The following PODXL variants were observed in gnomAD, a reference collection of about 807,000 sequenced individuals.
The protein encoded by PODXL is podocalyxin like.
In PODXL, 20 loss-of-function variants were observed where a neutral mutation model predicts 48.9. That is an observed-to-expected ratio of 0.41 (90% confidence interval 0.29 to 0.59). The LOEUF is 0.59. Among genes scored for constraint, PODXL ranks in the 20% least tolerant of loss-of-function variants. The pLI is 0.31. For missense variants in PODXL, 606 were observed against 675.1 expected (o/e 0.90, Z 1.13); for synonymous variants, 295 against 287.4 (o/e 1.03, Z -0.27).
Position 131,500,765 on chromosome 7 carries a change from T to G in PODXL, c.*3546A>C, listed in dbSNP as rs1797687394. On this transcript the variant is annotated 3_prime_UTR_variant, in exon 9 of 9. Coordinates refer to ENST00000378555, the MANE Select transcript of PODXL (RefSeq NM_001018111.3). ...GTTTGTGTTCATGCCCTCCCTAGCCTTGCTAGGGTAACAACTGGGAAAGGA... is the reference window on the plus strand; with the variant it reads ...GTTTGTGTTCATGCCCTCCCTAGCCGTGCTAGGGTAACAACTGGGAAAGGA... 6.6e-6 allele frequency: 1 copy of G among 152,228 alleles called. No individual in the cohort carries two copies. The highest frequency in any genetic ancestry group is 1.5e-5 in the Non-Finnish European group (1 of 68,032). The allele number at this position is 152,228 out of a possible 1,614,324, so 9.4% of individuals were successfully genotyped here.
chr7:131,543,737 G>A (rs892995572), intron 1 of PODXL, among the ~76,000 whole-genome samples: 1 of 152,162 alleles, frequency 6.6e-6, no homozygotes, highest in Non-Finnish European at 1.5e-5. Context: ...GTGAGATGAA[G>A]AAAGGGCCGA....
chr7:131,508,510 G>C (rs1403811802), intron 5 of PODXL, among the ~76,000 whole-genome samples: 1 of 152,114 alleles, frequency 6.6e-6, no homozygotes, highest in African/African-American at 2.4e-5. Flanking sequence ...TCCTGCCTCA[G>C]CTTCTCAAAG....
chr7:131,555,398 G>T (rs1471280258), intron 1 of PODXL, among the ~76,000 whole-genome samples: 2 of 152,184 alleles, frequency 1.3e-5, no homozygotes, highest in African/African-American at 4.8e-5. Flanking sequence ...TCCCCCAAAA[G>T]GGAAAGAGTA....
chr7:131,551,764 G>A (rs1331752551), intron 1 of PODXL, among the ~76,000 whole-genome samples: 1 of 151,918 alleles, frequency 6.6e-6, no homozygotes, highest in African/African-American at 2.4e-5. Flanking sequence ...GTGAATCCCC[G>A]TCCCTACTAA....
chr7:131,527,769 C>T (rs1798210947), intron 1 of PODXL, among the ~76,000 whole-genome samples: 4 of 152,174 alleles, frequency 2.6e-5, no homozygotes, highest in Admixed American at 2.6e-4. Flanking sequence ...GATGCTAGAG[C>T]TGGTATGAAT....
chr7:131,548,107 C>G (rs1327856947), intron 1 of PODXL, among the ~76,000 whole-genome samples: 3 of 152,268 alleles, frequency 2.0e-5, no homozygotes, highest in African/African-American at 4.8e-5. Flanking sequence ...TTACCAGAAA[C>G]TGCCCCTCAG....
At chr7:131,529,036 C>T (rs1798231266) in intron 1 of PODXL, among the ~76,000 whole-genome samples, 1 of 151,716 alleles carries the variant, frequency 6.6e-6, no homozygotes, top group Non-Finnish European at 1.5e-5. Flanking sequence ...GTTTGAGGGG[C>T]TGATAAAGTT....
Position 131,504,356 on chromosome 7 carries a change from G to A in PODXL, c.1632C>T (p.Asn544=). 6.2e-7 allele frequency: 1 copy of A among 1,614,154 alleles called. No individual in the cohort carries two copies. The highest frequency in any genetic ancestry group is 1.1e-5 in the South Asian group (1 of 91,084). Residue 544 remains asparagine, a synonymous_variant, in exon 9 of 9, where the codon AAC becomes AAT. Transcript: ENST00000378555. ...CCTCATCCAGGTCGTCCTTGGTCAG[G>A]TTGTCCAGAGGGACGATCCAGCTGT... The part of the protein sequence containing the change: ...LGDSWIVPLD[N]LTKDDLDEEE...
Position 131,556,530 on chromosome 7 carries a change from G to T in PODXL, c.-171C>A, listed in dbSNP as rs1017726220. 3 of 753,700 alleles carry T rather than the reference G, an allele frequency of 4.0e-6. No individual in the cohort carries two copies. The highest frequency in any genetic ancestry group is 3.6e-5 in the East Asian group (1 of 27,566). The allele number at this position is 753,700 out of a possible 1,614,324, so 46.7% of individuals were successfully genotyped here. ...GCTGCGGCGGCTCTTCCTCCCTGCCGCTGCAGCAGAGCCGGGCTGGGGCGC... is the reference window on the plus strand; with the variant it reads ...GCTGCGGCGGCTCTTCCTCCCTGCCTCTGCAGCAGAGCCGGGCTGGGGCGC... On this transcript the variant is annotated 5_prime_UTR_variant, in exon 1 of 9. Coordinates refer to ENST00000378555, the MANE Select transcript of PODXL (RefSeq NM_001018111.3).
At chr7:131,516,877 G>C (rs1278476341) in intron 1 of PODXL, among the ~76,000 whole-genome samples, 1 of 151,666 alleles carries the variant, frequency 6.6e-6, no homozygotes, top group East Asian at 1.9e-4. Context: ...GCACAGGTGT[G>C]CACTACGACA....
chr7:131,520,410 T>C (rs917274892), intron 1 of PODXL: 43 of 353,284 alleles, frequency 1.2e-4, no homozygotes, highest in Middle Eastern at 4.8e-4. Flanking sequence ...GGAAACAGAA[T>C]GAGGATGAAG....
In PODXL at chr7:131,522,748, A is replaced by G. The variant is rs562178147; in HGVS notation, c.101-11315T>C. On this transcript the variant is annotated intron_variant, in intron 1 of 8. Transcript: ENST00000378555. ...ATTCTAGAGAGTTCATGTAAACGGG[A>G]TCATACACTACGTGGTCTTCTGTGA... 2.3e-3 allele frequency among the ~76,000 whole-genome samples: 351 copies of G among 152,310 alleles called. 1 individual carries two copies. Among genetic ancestry groups the G allele is most frequent in the African/African-American group, 7.1e-3 (296 of 41,572 alleles).
At chr7:131,540,997 T>C (rs1291252622) in intron 1 of PODXL, among the ~76,000 whole-genome samples, 1 of 152,224 alleles carries the variant, frequency 6.6e-6, no homozygotes, top group Non-Finnish European at 1.5e-5. Context: ...GCTCTCCAAA[T>C]TTCTATCCTC....
chr7:131,505,826 A>T, intron 8 of PODXL, 42 bp downstream of exon 8: 2 of 1,521,366 alleles, frequency 1.3e-6, no homozygotes, highest in Non-Finnish European at 1.8e-6. Flanking sequence ...TCCTCTGGTG[A>T]CCTGGGCTGC....
intron 5 of PODXL, among the ~76,000 whole-genome samples, chr7:131,508,369 T>G (rs942317195): frequency 6.6e-6 from 1 of 152,194 alleles, no homozygotes; most frequent in East Asian, 1.9e-4. Flanking sequence ...GACCAGGAAA[T>G]GTGAAGCCAC....
chr7:131,514,674 C>A (rs1397159844), intron 1 of PODXL, among the ~76,000 whole-genome samples: 2 of 152,070 alleles, frequency 1.3e-5, no homozygotes, highest in Non-Finnish European at 2.9e-5. Flanking sequence ...GTGGCACAAT[C>A]AGGACTCACT....
intron 1 of PODXL, among the ~76,000 whole-genome samples, chr7:131,525,619 A>G (rs1018740476): frequency 1.3e-5 from 2 of 151,672 alleles, no homozygotes; most frequent in Non-Finnish European, 2.9e-5. Context: ...AAACACAAAA[A>G]AAGTATAACA....
At position 131,536,761 on chromosome 7, in the gene PODXL, G is replaced by A. The variant is rs564296819; in HGVS notation, c.100+19499C>T. Among the ~76,000 whole-genome samples, 140 of 152,198 alleles carry A rather than the reference G, an allele frequency of 9.2e-4. 1 individual carries two copies. Among genetic ancestry groups the A allele is most frequent in the African/African-American group, 3.2e-3 (134 of 41,526 alleles). On this transcript the variant is annotated intron_variant, in intron 1 of 8. Transcript: ENST00000378555. Reference sequence around the variant, plus strand: ...AGTAGGTTCTACTGTGCTCAGTCAGGAGGTTCTCAGAACAGCCCCTTTCCC... The same window carrying A: ...AGTAGGTTCTACTGTGCTCAGTCAGAAGGTTCTCAGAACAGCCCCTTTCCC...
Position 131,529,850 on chromosome 7 carries a change from C to T in PODXL, c.101-18417G>A, listed in dbSNP as rs546989389. Among the ~76,000 whole-genome samples, 45 of 152,168 alleles carry T rather than the reference C, an allele frequency of 3.0e-4. No individual in the cohort carries two copies. In the South Asian group the frequency reaches 8.5e-3, roughly 29 times the overall value. On this transcript the variant is annotated intron_variant, in intron 1 of 8. Coordinates refer to ENST00000378555, the MANE Select transcript of PODXL (RefSeq NM_001018111.3). ...GGGTGTGTACGCACTCTCCTGAGCACGACACTGTATACTAGGTAAGCCTGC... is the reference window on the plus strand; with the variant it reads ...GGGTGTGTACGCACTCTCCTGAGCATGACACTGTATACTAGGTAAGCCTGC...
Sources: allele counts gnomAD v4.1 joint callset (sites outside exome capture counted in the v4.1 genomes callset), GRCh38; gene constraint gnomAD v4.1.1; transcripts MANE v1.5; gene names NCBI Gene and HGNC (gene_info 2026-07-23, HGNC 2026-07-21).